Variants in CELF2 observed in about 807,000 individuals in gnomAD.
CELF2 encodes the protein CUGBP Elav-like family member 2.
CELF2 carries 8 observed loss-of-function variants against 62.6 expected under a neutral mutation model. The ratio of observed to expected loss-of-function variants is 0.13; its 90% CI spans 0.07 to 0.23. CELF2 has a LOEUF of 0.23. CELF2 is among the 10% of genes least tolerant of loss of function. CELF2 has a pLI of 1.00. For synonymous variants in CELF2, 258 were observed against 250.0 expected (o/e 1.03, Z -0.30); for missense variants, 333 against 671.0 (o/e 0.50, Z 5.56).
the CELF2 span, among the ~76,000 whole-genome samples, chr10:10,682,201 T>C: frequency 1.3e-5 from 2 of 152,182 alleles, no homozygotes; most frequent in Admixed American, 6.5e-5. Flanking sequence ...AATCAATTAA[T>C]GCAGCAATAT....
intron 1 of CELF2, among the ~76,000 whole-genome samples, chr10:10,882,853 C>A (rs2061520329): frequency 6.6e-6 from 1 of 152,120 alleles, no homozygotes; most frequent in Non-Finnish European, 1.5e-5. Flanking sequence ...GATCTCTTTG[C>A]CTGTCCCCAT....
In CELF2 at chr10:11,165,469, G is replaced by T; in HGVS notation, c.75-17G>T. On this transcript the variant is annotated splice_polypyrimidine_tract_variant and intron_variant, in intron 1 of 12. Coordinates refer to ENST00000633077, the MANE Select transcript of CELF2 (RefSeq NM_001326342.2). The surrounding 1 kb of genome is among the most constrained non-coding windows in gnomAD (Gnocchi z 7.4). Reference sequence around the variant, plus strand: ...TCGTGCCGCCCTAACTCTGGCTCCCGGTTCCGTTTTTGACAGTAACGGCAC... The same window carrying T: ...TCGTGCCGCCCTAACTCTGGCTCCCTGTTCCGTTTTTGACAGTAACGGCAC... The T allele has an allele frequency of 6.2e-7, 1 of 1,600,732 alleles. No homozygotes were observed. Among genetic ancestry groups the T allele is most frequent in the Non-Finnish European group, 8.5e-7 (1 of 1,172,704 alleles).
chr10:10,699,627 C>G, the CELF2 span, among the ~76,000 whole-genome samples: 22 of 152,128 alleles, frequency 1.4e-4, no homozygotes, highest in Non-Finnish European at 2.9e-4. Flanking sequence ...GGTGAGGAAG[C>G]ACCTCGCAGA....
chr10:10,882,770 A>G (rs910726540), intron 1 of CELF2, among the ~76,000 whole-genome samples: 7 of 152,108 alleles, frequency 4.6e-5, no homozygotes, highest in Non-Finnish European at 8.8e-5. Context: ...TACTCCTATT[A>G]TTTTATTCTA....
intron 1 of CELF2, among the ~76,000 whole-genome samples, chr10:11,023,777 C>T (rs1459438744): frequency 3.3e-5 from 5 of 152,200 alleles, no homozygotes; most frequent in South Asian, 2.1e-4. Context: ...TTGAGATTTA[C>T]GCATTGGCCG....
intron 1 of CELF2, chr10:10,798,838 CT>C (rs1422337016): frequency 2.5e-6 from 1 of 398,794 alleles, no homozygotes; most frequent in East Asian, 3.6e-5. Context: ...TTTGCTTTCT[CT>C]TGCATCCTGG....
chr10:10,671,650 C>T, the CELF2 span, among the ~76,000 whole-genome samples: 1 of 151,864 alleles, frequency 6.6e-6, no homozygotes, highest in South Asian at 2.1e-4. Flanking sequence ...AGGTGTATCT[C>T]CTTGTTGGTT....
the CELF2 span, among the ~76,000 whole-genome samples, chr10:10,659,588 C>A: frequency 6.6e-6 from 1 of 152,180 alleles, no homozygotes; most frequent in South Asian, 2.1e-4. Context: ...CCTTACCTGT[C>A]CTATTGCAAT....
chr10:10,961,049 T>C (rs1246321601), intron 2 of CELF2, among the ~76,000 whole-genome samples: 2 of 152,208 alleles, frequency 1.3e-5, no homozygotes, highest in East Asian at 3.8e-4. Flanking sequence ...AGCTGCCCAA[T>C]GCACTTTGAA....
the CELF2 span, among the ~76,000 whole-genome samples, chr10:10,697,043 A>G: frequency 6.6e-6 from 1 of 152,170 alleles, no homozygotes; most frequent in Non-Finnish European, 1.5e-5. Context: ...ATTAGAAAAC[A>G]AAATATCTTC....
the CELF2 span, among the ~76,000 whole-genome samples, chr10:10,546,266 C>A: frequency 6.6e-6 from 1 of 152,186 alleles, no homozygotes; most frequent in Non-Finnish European, 1.5e-5. Context: ...TGGCAGTCAG[C>A]ACCAAATCAT....
intron 12 of CELF2, among the ~76,000 whole-genome samples, chr10:11,327,194 G>A (rs1385791796): frequency 6.6e-6 from 1 of 151,496 alleles, no homozygotes; most frequent in African/African-American, 2.4e-5. Flanking sequence ...AAATCATTAT[G>A]GGGGGCGGGG....
chr10:10,914,517 C>T (rs1486245541), intron 1 of CELF2, among the ~76,000 whole-genome samples: 2 of 152,152 alleles, frequency 1.3e-5, no homozygotes, highest in Non-Finnish European at 2.9e-5. Flanking sequence ...CTGTGTCAGA[C>T]ACAGGGGACA....
the CELF2 span, among the ~76,000 whole-genome samples, chr10:10,589,302 G>A: frequency 6.6e-6 from 1 of 152,186 alleles, no homozygotes; most frequent in Admixed American, 6.5e-5. Flanking sequence ...TGCAGATGAA[G>A]CTTCCCACTT....
chr10:10,883,874 TTCC>T (rs532851196), intron 1 of CELF2, among the ~76,000 whole-genome samples: 21 of 151,872 alleles, frequency 1.4e-4, no homozygotes, highest in South Asian at 8.3e-4. Context: ...CATAATTTCC[TTCC>T]TCCTCCTCCT....
chr10:10,760,688 C>T, the CELF2 span, among the ~76,000 whole-genome samples: 6 of 152,128 alleles, frequency 3.9e-5, no homozygotes, highest in South Asian at 4.1e-4. Context: ...ATGACATGTC[C>T]GCTGAAGCCT....
intron 3 of CELF2, among the ~76,000 whole-genome samples, chr10:11,226,363 G>A (rs1474805159): frequency 6.6e-6 from 1 of 152,232 alleles, no homozygotes; most frequent in Non-Finnish European, 1.5e-5. Flanking sequence ...CTGTGTGTTG[G>A]TGCAGGCTTG....
chr10:10,691,962 G>C, the CELF2 span, among the ~76,000 whole-genome samples: 1 of 151,778 alleles, frequency 6.6e-6, no homozygotes, highest in Non-Finnish European at 1.5e-5. Context: ...TAGGTTGCCT[G>C]TTCACTCTCA....
intron 1 of CELF2, among the ~76,000 whole-genome samples, chr10:11,087,421 C>A (rs1489807764): frequency 6.6e-6 from 1 of 152,152 alleles, no homozygotes. Context: ...CTTTTGAGTG[C>A]CTGAAAGAGT....
Sources: allele counts gnomAD v4.1 joint callset (sites outside exome capture counted in the v4.1 genomes callset), GRCh38; gene constraint gnomAD v4.1.1; non-coding constraint Gnocchi (gnomAD v3.1); transcripts MANE v1.5; gene names NCBI Gene and HGNC (gene_info 2026-07-23, HGNC 2026-07-21).